Variants in ABI3BP observed in about 807,000 individuals in gnomAD.
ABI3BP encodes target of Nesh-SH3.
ABI3BP carries 216 observed loss-of-function variants against 268.6 expected under a neutral mutation model. That is an observed-to-expected ratio of 0.80 (90% CI 0.72 to 0.90). ABI3BP has a LOEUF of 0.90. ABI3BP is among the 40% of genes least tolerant of loss of function. The pLI, the probability that ABI3BP is intolerant of heterozygous loss-of-function variation, is 0.00. For missense variants in ABI3BP, 2,090 were observed against 2,182.4 expected (o/e 0.96, Z 0.84); for synonymous variants, 730 against 730.0 (o/e 1.00, Z 0.00).
chr3:100,869,006 T>C (rs2099080940), intron 9 of ABI3BP, among the ~76,000 whole-genome samples: 1 of 152,128 alleles, frequency 6.6e-6, no homozygotes, highest in Non-Finnish European at 1.5e-5. Flanking sequence ...AAGGTTTCCT[T>C]TCACGATCTC....
In ABI3BP at chr3:100,792,624, A is replaced by G. The variant is rs2097228003; in HGVS notation, c.4024+67T>C. On this transcript the variant is annotated intron_variant, in intron 55 of 67. Coordinates refer to ENST00000471714, the MANE Select transcript of ABI3BP (RefSeq NM_001375547.2). ...GTGTTGAGAAATGACATTCTGAAAG[A>G]AAATTTCTTTCCTGATTAAAAGCAA... The G allele has an allele frequency of 1.1e-5, 16 of 1,503,824 alleles. No individual in the cohort carries two copies. The South Asian group carries it at 1.7e-4, about 16-fold the overall frequency. 93.2% of individuals were successfully genotyped at this position (1,503,824 alleles called of 1,614,324 possible). A position where few individuals can be genotyped will look rare whatever the true frequency, so the allele number is the denominator to read the frequency against.
intron 18 of ABI3BP, among the ~76,000 whole-genome samples, chr3:100,848,096 T>C (rs1448503015): frequency 1.3e-5 from 2 of 152,236 alleles, no homozygotes; most frequent in South Asian, 2.1e-4. Context: ...AAATAAGTTA[T>C]GTAAATGTAC....
intron 54 of ABI3BP, among the ~76,000 whole-genome samples, chr3:100,793,245 A>T (rs1233956108): frequency 6.6e-6 from 1 of 152,008 alleles, no homozygotes; most frequent in Non-Finnish European, 1.5e-5. Flanking sequence ...TATGTTTGAC[A>T]TACAAACACA....
At chr3:100,901,096 A>G (rs1469223221) in intron 3 of ABI3BP, among the ~76,000 whole-genome samples, 2 of 152,160 alleles carry the variant, frequency 1.3e-5, no homozygotes, top group Non-Finnish European at 2.9e-5. Flanking sequence ...GAGTACATCT[A>G]TTTTCAAGTG....
At chr3:100,876,698 G>A (rs979659280) in intron 6 of ABI3BP, 138 bp from the exon 7 acceptor site, 5 of 704,460 alleles carry the variant, frequency 7.1e-6, no homozygotes, top group Middle Eastern at 2.9e-4. Context: ...AGTTGCTGGT[G>A]GCGGGGCGTG....
intron 65 of ABI3BP, 36 bp from the exon 66 acceptor site, chr3:100,752,984 C>G (rs2095418661): frequency 6.4e-7 from 1 of 1,566,294 alleles, no homozygotes; most frequent in African/African-American, 1.4e-5. Flanking sequence ...TAGTATCTGA[C>G]TCTTGGGTCA....
chr3:100,804,939 G>A (rs1423136213), intron 50 of ABI3BP, 73 bp from the exon 51 acceptor site: 1 of 1,247,128 alleles, frequency 8.0e-7, no homozygotes, highest in Non-Finnish European at 1.2e-6. Context: ...CATAAGACAT[G>A]TCAAGGTGTA....
intron 1 of ABI3BP, among the ~76,000 whole-genome samples, chr3:100,927,108 G>A (rs189299091): frequency 9.2e-5 from 14 of 152,218 alleles, no homozygotes; most frequent in Non-Finnish European, 1.0e-4. Flanking sequence ...GATGGGGGTC[G>A]AGACCCATCT....
chr3:100,982,549 A>G (rs1019500412), intron 1 of ABI3BP, among the ~76,000 whole-genome samples: 4 of 151,804 alleles, frequency 2.6e-5, no homozygotes, highest in East Asian at 3.9e-4. Flanking sequence ...CACCAACCTA[A>G]TGACTTACTC....
intron 2 of ABI3BP, chr3:100,912,297 A>C (rs1002353328): frequency 6.4e-6 from 1 of 156,982 alleles, no homozygotes; most frequent in Non-Finnish European, 1.4e-5. Context: ...AAAAAAAAAA[A>C]AAAAAAACAG....
At chr3:100,971,018 T>G (rs10511181) in intron 1 of ABI3BP, among the ~76,000 whole-genome samples, 15,815 of 152,256 alleles carry the variant, frequency 0.1, 1,111 homozygotes, top group Non-Finnish European at 0.15. Context: ...GCTGCTTTCT[T>G]GGTAATTATA....
intron 6 of ABI3BP, 39 bp from the exon 7 acceptor site, chr3:100,876,599 T>G: frequency 3.2e-6 from 5 of 1,579,424 alleles, no homozygotes; most frequent in Non-Finnish European, 4.3e-6. Flanking sequence ...TGAGTCATTG[T>G]GAATAACTTT....
intron 50 of ABI3BP, among the ~76,000 whole-genome samples, chr3:100,807,102 T>C (rs1356752118): frequency 6.6e-6 from 1 of 151,982 alleles, no homozygotes; most frequent in East Asian, 1.9e-4. Flanking sequence ...TCCCCATTTG[T>C]TTTCTACTTT....
Position 100,770,918 on chromosome 3 carries a change from G to A in ABI3BP, c.4566C>T (p.Asn1522=), listed in dbSNP as rs2096527352. 1.9e-6 allele frequency: 3 copies of A among 1,595,500 alleles called. No homozygotes were observed. The highest frequency in any genetic ancestry group is 4.6e-5 in the East Asian group (2 of 43,756). ...CAGAGTCAGTAATGGAGCAGGGACT[G>A]TTGTCAGGCTTTTGGATGTATCGCA... ...PHVRYIQKPD[N]SPCSITDSVK... Residue 1522 remains asparagine, a synonymous_variant, in exon 62 of 68, where the codon AAC becomes AAT. Coordinates refer to ENST00000471714, the MANE Select transcript of ABI3BP (RefSeq NM_001375547.2).
rs763563919 is a variant in ABI3BP, at chr3:100,774,637, T to C, written c.4499A>G (p.Glu1500Gly). 6.3e-7 allele frequency: 1 copy of C among 1,587,524 alleles called. No homozygotes were observed. The highest frequency in any genetic ancestry group is 1.2e-5 in the South Asian group (1 of 86,212). The change falls in exon 61 of 68, where the codon GAA becomes GGA. Residue 1500 changes from glutamate (E) to glycine (G), a missense_variant. By Grantham distance (98) the Glu-to-Gly change is moderately conservative (BLOSUM62 -2). Transcript: ENST00000471714. ...ITDFSSSPTR[E>G]TDPLGKPRFK... ...TCTTGGCTTCCCAAGAGGATCAGTT[T>C]CTCTTGTTGGGCTTGAGCTAAAGTC...
Position 100,778,305 on chromosome 3 carries a change from T to A in ABI3BP, c.4312A>T (p.Thr1438Ser), listed in dbSNP as rs1484494660. 6.2e-7 allele frequency: 1 copy of A among 1,613,640 alleles called. No homozygotes were observed. Among genetic ancestry groups the A allele is most frequent in the South Asian group, 1.1e-5 (1 of 91,036 alleles). Residue 1438 changes from threonine (T) to serine (S), a missense_variant, in exon 59 of 68, where the codon ACT (threonine) becomes TCT (serine). Physicochemically the swap from Thr to Ser is moderately conservative, Grantham distance 58. Coordinates refer to ENST00000471714, the MANE Select transcript of ABI3BP (RefSeq NM_001375547.2). ...GTACCTGCACTTCCTGGCTTTCCAG[T>A]GACATTATTTGGTGGTAAAGGTTTT... ...RRKPLPPNNV[T>S]GKPGSAGIIS...
intron 63 of ABI3BP, among the ~76,000 whole-genome samples, chr3:100,763,083 A>T (rs1191764082): frequency 2.0e-5 from 3 of 152,212 alleles, no homozygotes; most frequent in Admixed American, 2.0e-4. Flanking sequence ...ATGACCTCAA[A>T]TTAGTGCCAG....
At chr3:100,776,266 A>G (rs1245474113) in intron 59 of ABI3BP, among the ~76,000 whole-genome samples, 1 of 152,190 alleles carries the variant, frequency 6.6e-6, no homozygotes, top group East Asian at 1.9e-4. Context: ...CCAGCATGGA[A>G]TCAGGGCTGA....
chr3:100,975,010 A>G (rs1386786536), intron 1 of ABI3BP, among the ~76,000 whole-genome samples: 3 of 152,156 alleles, frequency 2.0e-5, no homozygotes, highest in South Asian at 4.1e-4. Context: ...AAAGCTTGAT[A>G]AGAAGCTTAG....
Sources: gnomAD v4.1 joint callset for allele counts (sites outside exome capture counted in the v4.1 genomes callset) on GRCh38, gnomAD v4.1.1 for gene constraint, MANE v1.5 for transcripts, NCBI Gene and HGNC (gene_info 2026-07-23, HGNC 2026-07-21) for gene names.